The following KLKB1 variants were observed in gnomAD, a reference collection of about 807,000 sequenced individuals.
KLKB1 encodes kallikrein B1.
KLKB1 carries 58 observed loss-of-function variants against 73.6 expected under a neutral mutation model. The ratio of observed to expected loss-of-function variants is 0.79; its 90% CI spans 0.64 to 0.98. The LOEUF is 0.98. Ranked by LOEUF, KLKB1 falls within the 50% of genes least tolerant of loss-of-function variation. The probability of loss-of-function intolerance (pLI) is 0.00; values close to 1 mark genes in which losing one functional copy is unlikely to be tolerated. For synonymous variants in KLKB1, 280 were observed against 258.1 expected, an observed-to-expected ratio of 1.08 and a Z score of -0.81; for missense variants, 737 against 763.8, an observed-to-expected ratio of 0.96 and a Z score of 0.41.
At chr4:186,220,855 T>G (rs1447707635) in intron 2 of KLKB1, among the ~76,000 whole-genome samples, 1 of 102,250 alleles carries the variant, frequency 9.8e-6, no homozygotes, top group East Asian at 3.6e-4. Flanking sequence ...TTTCCTCCTT[T>G]TCAATTATTT....
At chr4:186,214,457 A>G (rs1736831053) in intron 2 of KLKB1, among the ~76,000 whole-genome samples, 1 of 152,118 alleles carries the variant, frequency 6.6e-6, no homozygotes, top group African/African-American at 2.4e-5. Context: ...TCTTCACCCT[A>G]TTTTCTTTGT....
At chr4:186,217,887 C>T (rs1579984392) in intron 2 of KLKB1, among the ~76,000 whole-genome samples, 1 of 152,248 alleles carries the variant, frequency 6.6e-6, no homozygotes, top group East Asian at 1.9e-4. Context: ...TCTCCTCAGT[C>T]GAAGTATTTT....
upstream of KLKB1, among the ~76,000 whole-genome samples, chr4:186,225,874 A>G (rs552365261): frequency 4.0e-4 from 61 of 151,656 alleles, 1 homozygote; most frequent in South Asian, 0.012. Flanking sequence ...CTCTTTCTCT[A>G]CTTCTTCTGG....
At chr4:186,216,997 C>T (rs574673388) in intron 2 of KLKB1, among the ~76,000 whole-genome samples, 4 of 152,168 alleles carry the variant, frequency 2.6e-5, no homozygotes, top group Non-Finnish European at 5.9e-5. Context: ...TGTGATATCT[C>T]GTTTTATTCA....
chr4:186,231,894 G>T (rs1024330759), intron 2 of KLKB1, among the ~76,000 whole-genome samples: 13 of 152,266 alleles, frequency 8.5e-5, no homozygotes, highest in Admixed American at 8.5e-4. Flanking sequence ...AAATTATTGT[G>T]CAATTTAATG....
rs369163219 is a variant in KLKB1, at chr4:186,250,247, C to T, written c.603C>T (p.Cys201=). Residue 201 remains cysteine, a synonymous_variant, in exon 7 of 15, where the codon TGC becomes TGT. Coordinates refer to ENST00000264690, the MANE Select transcript of KLKB1 (RefSeq NM_000892.5). ...LKPCALSEIG[C]HMNIFQHLAF... is the part of the protein sequence containing the mutation. ...CTTCTCTCTGTGAGTTCACAGGTTG[C>T]CACATGAACATCTTCCAGCATCTTG... The T allele has an allele frequency of 9.9e-6, 16 of 1,613,908 alleles. No individual in the cohort carries two copies. The African/African-American group carries it at 1.7e-4, about 18-fold the overall frequency.
intron 6 of KLKB1, among the ~76,000 whole-genome samples, chr4:186,243,334 C>G (rs1214001657): frequency 6.6e-6 from 1 of 151,996 alleles, no homozygotes; most frequent in Admixed American, 6.6e-5. Flanking sequence ...ATAGAATGGG[C>G]CTGTGAGGCT....
chr4:186,224,250 T>C (rs1737099071), upstream of KLKB1, among the ~76,000 whole-genome samples: 1 of 152,056 alleles, frequency 6.6e-6, no homozygotes, highest in African/African-American at 2.4e-5. Context: ...AACTGTGGGG[T>C]TGGAGCCCAC....
At chr4:186,216,379 A>G (rs1478282352) in intron 2 of KLKB1, among the ~76,000 whole-genome samples, 1 of 152,176 alleles carries the variant, frequency 6.6e-6, no homozygotes, top group East Asian at 1.9e-4. Context: ...ACAACAGAGA[A>G]ATGGACAAGG....
At chr4:186,233,674 G>A (rs1737518686) in intron 3 of KLKB1, among the ~76,000 whole-genome samples, 1 of 152,196 alleles carries the variant, frequency 6.6e-6, no homozygotes, top group South Asian at 2.1e-4. Context: ...GAACATAGTT[G>A]CCTGAAAGTT....
chr4:186,227,182 T>A (rs1737195548), upstream of KLKB1, among the ~76,000 whole-genome samples: 1 of 152,162 alleles, frequency 6.6e-6, no homozygotes, highest in Non-Finnish European at 1.5e-5. Flanking sequence ...AAATTGTCCT[T>A]CCTATACACT....
chr4:186,245,832 TTTTTA>T (rs1738315379), intron 6 of KLKB1, among the ~76,000 whole-genome samples: 1 of 140,234 alleles, frequency 7.1e-6, no homozygotes, highest in Non-Finnish European at 1.6e-5. Context: ...TGGTTTTTTT[TTTTTA>T]ATGTCAGGAG....
In KLKB1 at chr4:186,235,986, C is replaced by G. The variant is rs4241819; in HGVS notation, c.329-795C>G. On this transcript the variant is annotated intron_variant, in intron 4 of 14. Transcript: ENST00000264690. ...AAAATTAGCCGGGCGTGGTGGCGCG[C>G]GCCTGTAGTCCCAGCTACTCGGGAG... Among the ~76,000 whole-genome samples the G allele has an allele frequency of 9.0e-4, 134 of 149,678 alleles. 2 individuals are homozygous for G. The highest frequency in any genetic ancestry group is 8.9e-4 in the Non-Finnish European group (60 of 67,240).
chr4:186,250,436 G>T (rs536698609), intron 7 of KLKB1, 34 bp downstream of exon 7: 2 of 1,606,888 alleles, frequency 1.2e-6, no homozygotes, highest in African/African-American at 1.3e-5. Context: ...TCACAAAGGC[G>T]AGTATGCATG....
chr4:186,214,427 T>C (rs987147043), intron 2 of KLKB1, among the ~76,000 whole-genome samples: 16 of 152,192 alleles, frequency 1.1e-4, no homozygotes, highest in African/African-American at 3.9e-4. Flanking sequence ...GGGCCCCCAT[T>C]CTCTGGATAT....
intron 4 of KLKB1, among the ~76,000 whole-genome samples, chr4:186,235,903 C>G (rs1311837439): frequency 6.6e-6 from 1 of 151,836 alleles, no homozygotes. Context: ...ATCACGAGGT[C>G]AGGAGATCGA....
upstream of KLKB1, among the ~76,000 whole-genome samples, chr4:186,226,043 T>G (rs1174007433): frequency 6.6e-6 from 1 of 152,058 alleles, no homozygotes; most frequent in East Asian, 1.9e-4. Flanking sequence ...AGTCTGCTGC[T>G]GAAGCTGTTT....
chr4:186,240,986 A>G (rs567117654), intron 6 of KLKB1, among the ~76,000 whole-genome samples: 50 of 152,292 alleles, frequency 3.3e-4, no homozygotes, highest in African/African-American at 1.1e-3. Context: ...TGGATGGCTC[A>G]TCTGTGTACT....
intron 2 of KLKB1, among the ~76,000 whole-genome samples, chr4:186,218,540 T>A (rs1341058880): frequency 6.6e-6 from 1 of 152,148 alleles, no homozygotes; most frequent in African/African-American, 2.4e-5. Context: ...TATATATATC[T>A]ACTGTGTACA....
Sources: gnomAD v4.1 joint callset for allele counts (sites outside exome capture counted in the v4.1 genomes callset) on GRCh38, gnomAD v4.1.1 for gene constraint, MANE v1.5 for transcripts, NCBI Gene and HGNC (gene_info 2026-07-23, HGNC 2026-07-21) for gene names.